ASPH: variants seen among roughly 807,000 people sequenced by gnomAD.
ASPH encodes aspartyl/asparaginyl beta-hydroxylase.
In ASPH, 100 loss-of-function variants were observed where a neutral mutation model predicts 118.4. The ratio of observed to expected loss-of-function variants is 0.84; its 90% CI spans 0.72 to 1.00. The LOEUF is 1.00. ASPH is among the 50% of genes least tolerant of loss of function. ASPH has a pLI of 0.00. For synonymous variants in ASPH, 315 were observed against 325.6 expected (o/e 0.97, Z 0.35); for missense variants, 920 against 919.5 (o/e 1.00, Z -0.01).
At chr8:61,624,898 T>C (rs1852199151) in intron 13 of ASPH, 38 of 985,288 alleles carry the variant, frequency 3.9e-5, no homozygotes, top group Non-Finnish European at 4.6e-5. Context: ...TAGAAAATTA[T>C]TGCTTTTCTT....
intron 14 of ASPH, among the ~76,000 whole-genome samples, chr8:61,602,864 T>C (rs560952911): frequency 6.8e-6 from 1 of 146,210 alleles, no homozygotes; most frequent in Admixed American, 6.7e-5. Context: ...AATAAACATA[T>C]AAAAATATAA....
At chr8:61,635,859 G>A (rs1857491456) in intron 12 of ASPH, among the ~76,000 whole-genome samples, 1 of 152,046 alleles carries the variant, frequency 6.6e-6, no homozygotes, top group Non-Finnish European at 1.5e-5. Context: ...CTAACAGGGT[G>A]TTTCGCTCTG....
At chr8:61,641,676 C>A (rs1805191921) in intron 10 of ASPH, among the ~76,000 whole-genome samples, 1 of 152,040 alleles carries the variant, frequency 6.6e-6, no homozygotes, top group Non-Finnish European at 1.5e-5. Context: ...AAATATGATT[C>A]ATATTTATAA....
intron 1 of ASPH, chr8:61,684,816 A>T (rs4446731): frequency 0.47 from 72,083 of 151,940 alleles, 17,418 homozygotes; most frequent in Middle Eastern, 0.53. Flanking sequence ...GATATGCTTA[A>T]TATACCTTAT....
At chr8:61,706,340 C>T (rs112631383) in intron 1 of ASPH, among the ~76,000 whole-genome samples, 7,240 of 142,360 alleles carry the variant, frequency 0.051, 258 homozygotes, top group African/African-American at 0.1. Context: ...GGAGGATCAC[C>T]GGAGCCTGGG....
At chr8:61,714,149 G>A in intron 1 of ASPH, 120 bp downstream of exon 1, 1 of 1,261,792 alleles carries the variant, frequency 7.9e-7, no homozygotes, top group Middle Eastern at 3.1e-4. Flanking sequence ...GAGGAGCGTC[G>A]CGGGGGATGG....
chr8:61,534,108 C>T (rs562878309), intron 21 of ASPH, among the ~76,000 whole-genome samples: 6 of 152,132 alleles, frequency 3.9e-5, no homozygotes, highest in Non-Finnish European at 8.8e-5. Flanking sequence ...CCACCATGCC[C>T]AGCTAATTTT....
At chr8:61,687,075 A>C (rs1830837418) in intron 1 of ASPH, among the ~76,000 whole-genome samples, 1 of 152,126 alleles carries the variant, frequency 6.6e-6, no homozygotes, top group South Asian at 2.1e-4. Context: ...TGGGCAACAA[A>C]GCAAGACCCT....
intron 21 of ASPH, among the ~76,000 whole-genome samples, chr8:61,527,472 T>C (rs1299506439): frequency 6.6e-6 from 1 of 152,206 alleles, no homozygotes; most frequent in Non-Finnish European, 1.5e-5. Flanking sequence ...ACTTTTTATA[T>C]CACATGAAAA....
At chr8:61,601,743 A>G (rs1002967463) in intron 14 of ASPH, among the ~76,000 whole-genome samples, 5 of 151,408 alleles carry the variant, frequency 3.3e-5, no homozygotes, top group African/African-American at 1.2e-4. Context: ...ACCGATCAAG[A>G]AAAAGAGAGA....
chr8:61,573,210 A>G (rs1833986784), intron 16 of ASPH, among the ~76,000 whole-genome samples: 1 of 152,208 alleles, frequency 6.6e-6, no homozygotes, highest in Non-Finnish European at 1.5e-5. Flanking sequence ...AGGAAATCAG[A>G]GAGGACACAA....
chr8:61,643,900 G>A, intron 8 of ASPH, 45 bp downstream of exon 8: 1 of 1,512,366 alleles, frequency 6.6e-7, no homozygotes, highest in Non-Finnish European at 9.2e-7. Flanking sequence ...CTTGGCCACT[G>A]CCTCAATCAG....
intron 13 of ASPH, among the ~76,000 whole-genome samples, chr8:61,627,051 C>G (rs541002739): frequency 6.7e-4 from 102 of 152,126 alleles, no homozygotes; most frequent in African/African-American, 2.2e-3. Flanking sequence ...CATGTGCAAC[C>G]AAAACTTTTT....
At chr8:61,530,784 TC>T (rs1817280328) in intron 21 of ASPH, among the ~76,000 whole-genome samples, 1 of 152,174 alleles carries the variant, frequency 6.6e-6, no homozygotes, top group African/African-American at 2.4e-5. Flanking sequence ...CTCCAACTCT[TC>T]CCCAATCCTC....
At chr8:61,534,413 G>A (rs192045974) in intron 21 of ASPH, among the ~76,000 whole-genome samples, 105 of 151,956 alleles carry the variant, frequency 6.9e-4, no homozygotes, top group East Asian at 2.5e-3. Flanking sequence ...TTTCAAATTC[G>A]TTTTTAAGAG....
At chr8:61,612,524 C>A (rs1847763189) in intron 14 of ASPH, among the ~76,000 whole-genome samples, 1 of 152,034 alleles carries the variant, frequency 6.6e-6, no homozygotes. Context: ...CAGGCACACA[C>A]CACCACCTGG....
intron 1 of ASPH, among the ~76,000 whole-genome samples, chr8:61,696,947 T>A (rs1258623433): frequency 2.6e-5 from 4 of 152,242 alleles, no homozygotes; most frequent in African/African-American, 9.6e-5. Context: ...TATGGACAAC[T>A]AACACTGGTT....
At chr8:61,712,836 G>A (rs1838366875) in intron 1 of ASPH, among the ~76,000 whole-genome samples, 1 of 152,046 alleles carries the variant, frequency 6.6e-6, no homozygotes. Flanking sequence ...AAAATGAAAT[G>A]GAACGAAGAC....
At chr8:61,650,511 G>A (rs550687334) in intron 5 of ASPH, among the ~76,000 whole-genome samples, 17 of 152,212 alleles carry the variant, frequency 1.1e-4, no homozygotes, top group Admixed American at 1.0e-3. Context: ...ACCTTAAAAC[G>A]TTAGTTCCTG....
Sources: allele counts gnomAD v4.1 joint callset (sites outside exome capture counted in the v4.1 genomes callset), GRCh38; gene constraint gnomAD v4.1.1; transcripts MANE v1.5; gene names NCBI Gene and HGNC (gene_info 2026-07-23, HGNC 2026-07-21).